Variants in NFIB observed in about 807,000 individuals in gnomAD.
NFIB encodes the protein nuclear factor 1 B-type.
NFIB carries 11 observed loss-of-function variants against 61.5 expected under a neutral mutation model. The observed-to-expected ratio is 0.18, with a 90% confidence interval of 0.11 to 0.30. The LOEUF (loss-of-function observed/expected upper bound fraction) is 0.30. Ranked by LOEUF, NFIB falls within the 10% of genes least tolerant of loss-of-function variation. The probability of loss-of-function intolerance (pLI) is 1.00; values close to 1 mark genes in which losing one functional copy is unlikely to be tolerated. For synonymous variants in NFIB, 260 were observed against 216.5 expected, an observed-to-expected ratio of 1.20 and a Z score of -1.76; for missense variants, 471 against 608.9, an observed-to-expected ratio of 0.77 and a Z score of 2.38.
rs1208856202 is a variant in NFIB at position 14,086,787 on chromosome 9, T to TTTTTTTG, written c.*1515_*1521dup. ...ACTTTGTTGTATTTTTTTGTTTTTT[T>TTTTTTTG]TTTTTTGTTTTTTGTTTTTTAGATT... On this transcript the variant is annotated 3_prime_UTR_variant, in exon 11 of 11. Transcript: ENST00000380953. 2 of 207,546 alleles carry TTTTTTTG rather than the reference T, an allele frequency of 9.6e-6. No homozygotes were observed. Among genetic ancestry groups the TTTTTTTG allele is most frequent in the Non-Finnish European group, 9.8e-6 (1 of 101,578 alleles). The allele number at this position is 207,546 out of a possible 1,614,324, so 12.9% of individuals were successfully genotyped here.
At chr9:14,498,366 G>A in the NFIB span, among the ~76,000 whole-genome samples, 6 of 152,232 alleles carry the variant, frequency 3.9e-5, no homozygotes, top group African/African-American at 1.4e-4. Flanking sequence ...GATCAGAAAA[G>A]TTTACCAACA....
the NFIB span, among the ~76,000 whole-genome samples, chr9:14,415,346 C>A: frequency 4.6e-5 from 7 of 152,122 alleles, no homozygotes; most frequent in African/African-American, 7.2e-5. Context: ...GTCTTGTATA[C>A]GAGGCATAAC....
In NFIB at chr9:14,146,540, A is replaced by G. The variant is rs548787441; in HGVS notation, c.925+149T>C. On this transcript the variant is annotated intron_variant, in intron 6 of 10. Transcript: ENST00000380953. ...TTAACTTTGACGACATTTGACTAAC[A>G]TTATCTCAAAAATAATTCTACAGGA... 2,961 of 1,192,034 alleles carry G rather than the reference A, an allele frequency of 2.5e-3. 11 individuals are homozygous for G. Among genetic ancestry groups the G allele is most frequent in the Non-Finnish European group, 3.0e-3 (2,525 of 853,116 alleles). The allele number at this position is 1,192,034 out of a possible 1,614,324, so 73.8% of individuals were successfully genotyped here. A position where few individuals can be genotyped will look rare whatever the true frequency, so the allele number is the denominator to read the frequency against.
At chr9:14,204,464 C>A in intron 2 of NFIB, 1 of 1,046,464 alleles carries the variant, frequency 9.6e-7, no homozygotes, top group Admixed American at 1.7e-5. Context: ...CCTCTATAAG[C>A]GACTGAAAAT....
rs73641904 is a variant in NFIB at position 14,308,387 on chromosome 9, T to C, written c.31-867A>G. The stretch of plus-strand genomic sequence containing the variant: ...TCACACACACTCTTGCATTTTTAAA[T>C]AGAAGTTTTCAAACTGGAAAACAAA... On this transcript the variant is annotated intron_variant, in intron 1 of 10. Transcript: ENST00000380953. 9.2e-4 allele frequency among the ~76,000 whole-genome samples: 140 copies of C among 152,290 alleles called. 2 individuals carry two copies. Among genetic ancestry groups the C allele is most frequent in the African/African-American group, 3.2e-3 (134 of 41,562 alleles).
chr9:14,521,989 G>A, the NFIB span, among the ~76,000 whole-genome samples: 1 of 152,174 alleles, frequency 6.6e-6, no homozygotes, highest in African/African-American at 2.4e-5. Context: ...AGCCAATCTG[G>A]CACAAGCAAA....
chr9:14,477,323 G>T, the NFIB span, among the ~76,000 whole-genome samples: 1 of 152,146 alleles, frequency 6.6e-6, no homozygotes, highest in South Asian at 2.1e-4. Context: ...AAAATTAAAA[G>T]TCCCCCTCTG....
the NFIB span, among the ~76,000 whole-genome samples, chr9:14,513,829 T>C: frequency 1.3e-5 from 2 of 152,196 alleles, no homozygotes; most frequent in Non-Finnish European, 2.9e-5. Context: ...TGCCTCAGTT[T>C]GTTTAACCTA....
intron 2 of NFIB, among the ~76,000 whole-genome samples, chr9:14,212,649 AC>A (rs1267060453): frequency 6.7e-6 from 1 of 149,624 alleles, no homozygotes; most frequent in Non-Finnish European, 1.5e-5. Context: ...AAAAAAAAAA[AC>A]ATGTTTAAAA....
the NFIB span, among the ~76,000 whole-genome samples, chr9:14,501,776 C>T: frequency 4.6e-5 from 7 of 152,170 alleles, no homozygotes; most frequent in African/African-American, 7.2e-5. Flanking sequence ...GAGGGCACTA[C>T]GCCCAGATGA....
upstream of NFIB, among the ~76,000 whole-genome samples, chr9:14,403,198 G>A (rs1249031208): frequency 6.6e-6 from 1 of 152,146 alleles, no homozygotes; most frequent in Admixed American, 6.6e-5. Context: ...CTTAAAATCT[G>A]AGCATCTACG....
chr9:14,375,996 A>C (rs2061414559), intron 1 of NFIB, among the ~76,000 whole-genome samples: 1 of 152,236 alleles, frequency 6.6e-6, no homozygotes, highest in African/African-American at 2.4e-5. Flanking sequence ...TACATGGCCA[A>C]AATAAATACT....
chr9:14,254,308 A>G (rs1412103111), intron 2 of NFIB, among the ~76,000 whole-genome samples: 2 of 141,038 alleles, frequency 1.4e-5, no homozygotes, highest in African/African-American at 5.7e-5. Flanking sequence ...CAAAAAAAAC[A>G]AAACAAAACA....
chr9:14,504,005 G>C, the NFIB span, among the ~76,000 whole-genome samples: 3 of 152,134 alleles, frequency 2.0e-5, no homozygotes, highest in East Asian at 3.8e-4. Flanking sequence ...TTTATAAGCT[G>C]AGAGATGTCC....
intron 4 of NFIB, among the ~76,000 whole-genome samples, chr9:14,152,259 C>G (rs1335908240): frequency 6.6e-6 from 1 of 152,088 alleles, no homozygotes; most frequent in East Asian, 1.9e-4. Context: ...ACAGAAAATA[C>G]TTGTATCCAA....
the NFIB span, among the ~76,000 whole-genome samples, chr9:14,417,982 T>G: frequency 1.3e-5 from 2 of 152,082 alleles, no homozygotes; most frequent in African/African-American, 4.8e-5. Context: ...TTTCACCATG[T>G]TGGTCAGGCT....
At chr9:14,333,792 C>A (rs1460043817) in intron 1 of NFIB, among the ~76,000 whole-genome samples, 7 of 152,054 alleles carry the variant, frequency 4.6e-5, no homozygotes, top group Non-Finnish European at 1.0e-4. Flanking sequence ...ATGTATTTTC[C>A]ATGTCACCAC....
chr9:14,307,846 G>A lies in NFIB; in HGVS notation c.31-326C>T, dbSNP rs1035404723. The A allele has an allele frequency of 2.0e-5, 4 of 201,300 alleles. No individual in the cohort carries two copies. The highest frequency in any genetic ancestry group is 5.2e-5 in the Admixed American group (1 of 19,082). The allele number at this position is 201,300 out of a possible 1,614,324, so 12.5% of individuals were successfully genotyped here. ...TGCATTCTACATTCTTTAAAATATA[G>A]GCAACTAACTAAGGTGCTTGGCACC... is the stretch of plus-strand genomic sequence containing the variant. On this transcript the variant is annotated intron_variant, in intron 1 of 10. Transcript: ENST00000380953. This position sits in a 1 kb window ranked among gnomAD's most constrained non-coding sequence, Gnocchi z 5.3.
At chr9:14,486,654 T>C in the NFIB span, among the ~76,000 whole-genome samples, 13,999 of 152,078 alleles carry the variant, frequency 0.092, 811 homozygotes, top group Non-Finnish European at 0.12. Flanking sequence ...ATGCCTTCCA[T>C]GTTCAAAACA....
Sources: allele counts gnomAD v4.1 joint callset (sites outside exome capture counted in the v4.1 genomes callset), GRCh38; gene constraint gnomAD v4.1.1; non-coding constraint Gnocchi (gnomAD v3.1); transcripts MANE v1.5; gene names NCBI Gene and HGNC (gene_info 2026-07-23, HGNC 2026-07-21).